The following TRIM5 variants were observed in gnomAD, a reference collection of about 807,000 sequenced individuals.
TRIM5 encodes tripartite motif containing 5, also known as tripartite motif-containing protein 5.
TRIM5 carries 31 observed loss-of-function variants against 35.6 expected under a neutral mutation model. The ratio of observed to expected loss-of-function variants is 0.87; its 90% CI spans 0.65 to 1.18. The LOEUF (loss-of-function observed/expected upper bound fraction) is 1.18. TRIM5 is among the 50% of genes most tolerant of loss of function. TRIM5 has a pLI of 0.00. For synonymous variants in TRIM5, 243 were observed against 215.6 expected, an observed-to-expected ratio of 1.13 and a Z score of -1.11; for missense variants, 609 against 591.6, an observed-to-expected ratio of 1.03 and a Z score of -0.31.
the TRIM5 span, chr11:5,604,646 C>G: frequency 6.2e-6 from 10 of 1,607,604 alleles, no homozygotes; most frequent in Non-Finnish European, 8.5e-6. Context: ...GAGACTTTTT[C>G]TGAAGATGTC....
chr11:5,658,215 A>AG (rs1276775632), downstream of TRIM5, among the ~76,000 whole-genome samples: 1 of 152,242 alleles, frequency 6.6e-6, no homozygotes, highest in East Asian at 1.9e-4. Flanking sequence ...ACACACCAAC[A>AG]GGCACCAGCA....
the TRIM5 span, chr11:5,642,480 T>G: frequency 4.3e-6 from 7 of 1,613,946 alleles, no homozygotes; most frequent in Non-Finnish European, 5.9e-6. Flanking sequence ...GCTCCAGATC[T>G]GAGTAGGATG....
At chr11:5,592,906 G>T in the TRIM5 span, among the ~76,000 whole-genome samples, 26,733 of 122,558 alleles carry the variant, frequency 0.22, 2,754 homozygotes, top group Middle Eastern at 0.43. Flanking sequence ...AACAGAGTGA[G>T]ATTGTCTCAA....
chr11:5,642,516 A>G, the TRIM5 span: 2 of 1,613,380 alleles, frequency 1.2e-6, no homozygotes, highest in Non-Finnish European at 1.7e-6. Context: ...GGTGAGGAGA[A>G]GCAGACAAAG....
At chr11:5,620,088 T>A in the TRIM5 span, 1 of 151,834 alleles carries the variant, frequency 6.6e-6, no homozygotes, top group Non-Finnish European at 1.5e-5. Context: ...GGCAGTTTTT[T>A]TCCTGTGACT....
chr11:5,619,576 G>A, the TRIM5 span, among the ~76,000 whole-genome samples: 1 of 149,484 alleles, frequency 6.7e-6, no homozygotes, highest in East Asian at 1.9e-4. Flanking sequence ...CTAAGTCTAG[G>A]TGCTAGGAGT....
the TRIM5 span, among the ~76,000 whole-genome samples, chr11:5,644,628 G>A: frequency 2.0e-5 from 3 of 151,824 alleles, no homozygotes; most frequent in Admixed American, 2.0e-4. Context: ...ACACTTACAT[G>A]GTAAAGTGAT....
At chr11:5,596,849 C>G in the TRIM5 span, 4 of 1,613,642 alleles carry the variant, frequency 2.5e-6, no homozygotes, top group East Asian at 6.7e-5. Context: ...AGAGCTTTGA[C>G]CACCTGATAT....
the TRIM5 span, among the ~76,000 whole-genome samples, chr11:5,606,931 C>T: frequency 2.0e-5 from 3 of 152,160 alleles, no homozygotes; most frequent in Non-Finnish European, 2.9e-5. Flanking sequence ...AGGCCGAGCG[C>T]GGTGGCTCAC....
At chr11:5,652,512 C>T in the TRIM5 span, among the ~76,000 whole-genome samples, 1 of 152,006 alleles carries the variant, frequency 6.6e-6, no homozygotes. Context: ...GTGTTCTATT[C>T]CATCAGTCTA....
the TRIM5 span, among the ~76,000 whole-genome samples, chr11:5,622,558 C>T: frequency 2.4e-4 from 36 of 151,822 alleles, no homozygotes; most frequent in African/African-American, 8.2e-4. Flanking sequence ...GCGGAGGTTG[C>T]GGTGAGCCAA....
the TRIM5 span, among the ~76,000 whole-genome samples, chr11:5,639,696 AAAAAAAAAAAAG>A: frequency 2.7e-5 from 4 of 149,972 alleles, no homozygotes; most frequent in African/African-American, 7.3e-5. Context: ...AAAAAAAAAA[AAAAAAAAAAAAG>A]ATTGGAAGAG....
chr11:5,642,629 T>C, the TRIM5 span: 1 of 1,407,090 alleles, frequency 7.1e-7, no homozygotes, highest in South Asian at 1.4e-5. Context: ...GAATAAGGAA[T>C]ATTCTGTGGT....
At chr11:5,613,437 C>T in the TRIM5 span, among the ~76,000 whole-genome samples, 36 of 152,320 alleles carry the variant, frequency 2.4e-4, no homozygotes, top group South Asian at 7.5e-3. Flanking sequence ...CTGGTTTGTT[C>T]TAAGGCACCG....
chr11:5,615,838 C>G, the TRIM5 span, among the ~76,000 whole-genome samples: 1 of 152,058 alleles, frequency 6.6e-6, no homozygotes, highest in Non-Finnish European at 1.5e-5. Flanking sequence ...GGTGATCCAC[C>G]CGCCTCGGCC....
the TRIM5 span, among the ~76,000 whole-genome samples, chr11:5,636,578 T>C: frequency 5.9e-5 from 9 of 152,332 alleles, no homozygotes; most frequent in Middle Eastern, 3.4e-3. Context: ...TTATGGTTCT[T>C]CCTTAAGCTC....
rs140131201 is a variant in TRIM5, at chr11:5,678,236, G to A, written c.712C>T (p.Arg238Trp). 4.6e-4 allele frequency: 739 copies of A among 1,613,256 alleles called. 2 individuals carry two copies. In the African/African-American group the frequency reaches 6.1e-3, roughly 13 times the overall value. Reference sequence around the variant, plus strand: ...AGCTCCATCACTGACCCCTGCAGCCGATGCTCCAGATCTGAGATGAGCTCT... The same window carrying A: ...AGCTCCATCACTGACCCCTGCAGCCAATGCTCCAGATCTGAGATGAGCTCT... The part of the protein sequence containing the change: ...LRELISDLEH[R>W]LQGSVMELLQ... Residue 238 changes from arginine (R) to tryptophan (W), a missense_variant, in exon 4 of 8, where the codon CGG (arginine) becomes TGG (tryptophan). Coordinates refer to ENST00000380034, the MANE Select transcript of TRIM5 (RefSeq NM_033034.3).
the TRIM5 span, among the ~76,000 whole-genome samples, chr11:5,609,960 T>C: frequency 6.6e-6 from 1 of 152,116 alleles, no homozygotes; most frequent in African/African-American, 2.4e-5. Context: ...TTTATGTAGA[T>C]GGTGAGATGA....
At chr11:5,634,532 T>C in the TRIM5 span, 14,891 of 256,820 alleles carry the variant, frequency 0.058, 29 homozygotes, top group South Asian at 0.14. Context: ...CACACACACA[T>C]ATATATATAT....
Sources: allele counts gnomAD v4.1 joint callset (sites outside exome capture counted in the v4.1 genomes callset), GRCh38; gene constraint gnomAD v4.1.1; transcripts MANE v1.5; gene names NCBI Gene and HGNC (gene_info 2026-07-23, HGNC 2026-07-21).